The following NRGN variants were observed in gnomAD, a reference collection of about 807,000 sequenced individuals.
NRGN encodes the protein calmodulin-binding protein.
For synonymous variants in NRGN, 47 were observed against 52.8 expected (o/e 0.89, Z 0.47); for missense variants, 82 against 123.0 (o/e 0.67, Z 1.58).
chr11:124,743,066 C>A (rs1943978624), intron 1 of NRGN, among the ~76,000 whole-genome samples: 1 of 152,218 alleles, frequency 6.6e-6, no homozygotes, highest in Admixed American at 6.5e-5. Context: ...ACCAATGAAC[C>A]TCTTCCCAGG....
In NRGN at chr11:124,740,046, G is replaced by C; in HGVS notation, c.-39G>C. The C allele has an allele frequency of 1.6e-6, 2 of 1,244,710 alleles. No homozygotes were observed. The highest frequency in any genetic ancestry group is 2.1e-6 in the Non-Finnish European group (2 of 969,902). The allele number at this position is 1,244,710 out of a possible 1,614,324, so 77.1% of individuals were successfully genotyped here. ...CACACAGACCCCACCCCCGCCCTGC[G>C]CCAGCCTTCGTCCCCGCAGAGGACC... On this transcript the variant is annotated 5_prime_UTR_variant, in exon 1 of 4. Transcript: ENST00000284292. This position sits in a 1 kb window ranked among gnomAD's most constrained non-coding sequence, Gnocchi z 7.5.
rs1446677432 is a variant in NRGN at position 124,745,197 on chromosome 11, A to G, written c.16-306A>G. On this transcript the variant is annotated intron_variant, in intron 1 of 3. Coordinates refer to ENST00000284292, the MANE Select transcript of NRGN (RefSeq NM_006176.3). The surrounding 1 kb of genome is among the most constrained non-coding windows in gnomAD (Gnocchi z 6.4). The stretch of plus-strand genomic sequence containing the variant: ...CTTGCCCCTCCAAACCCACCCTCCA[A>G]TCAGCTCTGCAGACCCCTAACTCGG... 1.3e-5 allele frequency among the ~76,000 whole-genome samples: 2 copies of G among 151,762 alleles called. No individual in the cohort carries two copies. The highest frequency in any genetic ancestry group is 4.8e-5 in the African/African-American group (2 of 41,298).
intron 1 of NRGN, among the ~76,000 whole-genome samples, chr11:124,743,374 C>T (rs979677533): frequency 3.3e-5 from 5 of 152,190 alleles, no homozygotes; most frequent in African/African-American, 1.2e-4. Flanking sequence ...GGTTGTCACC[C>T]TCTTGAGAAG....
rs77804765 is a variant in NRGN at position 124,743,651 on chromosome 11, C to T, written c.16-1852C>T. On this transcript the variant is annotated intron_variant, in intron 1 of 3. Coordinates refer to ENST00000284292, the MANE Select transcript of NRGN (RefSeq NM_006176.3). Reference sequence around the variant, plus strand: ...AGGAAATGAGGCTAACCTTGGGAAACATGGCGAGGGGAACCATTTATAAGC... The same window carrying T: ...AGGAAATGAGGCTAACCTTGGGAAATATGGCGAGGGGAACCATTTATAAGC... Among the ~76,000 whole-genome samples, 998 of 152,194 alleles carry T rather than the reference C, an allele frequency of 6.6e-3. 11 individuals are homozygous for T. In the East Asian group the frequency reaches 0.079, roughly 12 times the overall value.
intron 1 of NRGN, chr11:124,744,689 C>T (rs550039255): frequency 6.6e-6 from 1 of 152,300 alleles, no homozygotes; most frequent in East Asian, 1.9e-4. Flanking sequence ...GCCTGTAAAA[C>T]ACCGTTATTG....
At position 124,741,734 on chromosome 11, in the gene NRGN, A is replaced by G. The variant is rs113843255; in HGVS notation, c.15+1635A>G. ...AGGGGAGTATTGCTGGGGAAGGGGA[A>G]GTGGGAGACGTGGTCACTGGAAAGA... On this transcript the variant is annotated intron_variant, in intron 1 of 3. Coordinates refer to ENST00000284292, the MANE Select transcript of NRGN (RefSeq NM_006176.3). Among the ~76,000 whole-genome samples the G allele has an allele frequency of 2.8e-3, 426 of 151,978 alleles. 9 individuals carry two copies. Among genetic ancestry groups the G allele is most frequent in the African/African-American group, 9.8e-3 (408 of 41,440 alleles).
At chr11:124,742,526 C>T (rs1381897575) in intron 1 of NRGN, among the ~76,000 whole-genome samples, 3 of 152,056 alleles carry the variant, frequency 2.0e-5, no homozygotes, top group South Asian at 2.1e-4. Flanking sequence ...CTGCATTCAC[C>T]GCGCATGAAA....
chr11:124,744,232 C>T (rs1262881378), intron 1 of NRGN, among the ~76,000 whole-genome samples: 1 of 152,190 alleles, frequency 6.6e-6, no homozygotes, highest in Admixed American at 6.5e-5. Context: ...TTTTGGCCTA[C>T]AAAAATGACT....
intron 1 of NRGN, among the ~76,000 whole-genome samples, chr11:124,741,958 A>G (rs1396618054): frequency 6.6e-6 from 1 of 152,148 alleles, no homozygotes; most frequent in Non-Finnish European, 1.5e-5. Flanking sequence ...CCCACCCAAA[A>G]GGTAAAAGAG....
intron 1 of NRGN, among the ~76,000 whole-genome samples, chr11:124,743,902 G>GAAA (rs56291708): frequency 1.3e-4 from 17 of 134,936 alleles, no homozygotes; most frequent in African/African-American, 4.9e-4. Flanking sequence ...TTCATGAAAA[G>GAAA]AAAAAAAAAA....
At chr11:124,744,545 T>C (rs950992680) in intron 1 of NRGN, 1 of 152,160 alleles carries the variant, frequency 6.6e-6, no homozygotes, top group Non-Finnish European at 1.5e-5. Context: ...AATACAAAGG[T>C]TTGAATCTTG....
rs1944006434 is a variant in NRGN, at chr11:124,745,953, G to C, written c.*6-12G>C. 2.8e-6 allele frequency: 1 copy of C among 356,476 alleles called. No individual in the cohort carries two copies. The highest frequency in any genetic ancestry group is 2.1e-5 in the African/African-American group (1 of 46,806). 22.1% of individuals were successfully genotyped at this position (356,476 alleles called of 1,614,324 possible). A position where few individuals can be genotyped will look rare whatever the true frequency, so the allele number is the denominator to read the frequency against. ...TGCATCCTCCCTTCTGCCCCGCCCT[G>C]GACCGAAGAAGAACTGAGCATTTTC... On this transcript the variant is annotated splice_polypyrimidine_tract_variant and intron_variant, in intron 2 of 3. Transcript: ENST00000284292. The surrounding 1 kb of genome is among the most constrained non-coding windows in gnomAD (Gnocchi z 6.4).
At chr11:124,743,871 A>G (rs1943986856) in intron 1 of NRGN, among the ~76,000 whole-genome samples, 1 of 144,058 alleles carries the variant, frequency 6.9e-6, no homozygotes, top group African/African-American at 2.7e-5. Context: ...GAAGAAAAAG[A>G]TAGTCAAAGC....
Position 124,745,867 on chromosome 11 carries a change from G to A in NRGN, c.*6-98G>A. On this transcript the variant is annotated intron_variant, in intron 2 of 3. Transcript: ENST00000284292. The surrounding 1 kb of genome is among the most constrained non-coding windows in gnomAD (Gnocchi z 6.4). ...GTTGGGGGATAGAAATCCGAGATGG[G>A]AGGTGGGTGGGAAGAGGCTGAAGGT... The A allele has an allele frequency of 2.4e-6, 1 of 417,750 alleles. No individual in the cohort carries two copies. Among genetic ancestry groups the A allele is most frequent in the Non-Finnish European group, 4.1e-6 (1 of 245,414 alleles). 25.9% of individuals were successfully genotyped at this position (417,750 alleles called of 1,614,324 possible).
rs748918072 is a variant in NRGN at position 124,746,869 on chromosome 11, G to A, written c.*489G>A. 6.5e-6 allele frequency: 1 copy of A among 152,714 alleles called. No individual in the cohort carries two copies. The highest frequency in any genetic ancestry group is 1.5e-5 in the Non-Finnish European group (1 of 68,100). The allele number at this position is 152,714 out of a possible 1,614,324, so 9.5% of individuals were successfully genotyped here. ...GCCCCAGCCTAGCCCCAAGACTTTG[G>A]ATCCGGGGCGAGATGAAGGGAAGAG... On this transcript the variant is annotated 3_prime_UTR_variant, in exon 4 of 4. Coordinates refer to ENST00000284292, the MANE Select transcript of NRGN (RefSeq NM_006176.3).
In NRGN at chr11:124,740,722, C is replaced by A. The variant is rs754596135; in HGVS notation, c.15+623C>A. 1.3e-5 allele frequency among the ~76,000 whole-genome samples: 2 copies of A among 152,182 alleles called. No homozygotes were observed. The highest frequency in any genetic ancestry group is 2.9e-5 in the Non-Finnish European group (2 of 68,034). Reference sequence around the variant, plus strand: ...AGTGACCGCGAGAGAGCCCTGCTGGCGAGGAAAGGAAGTGTCTGCAATTTG... The same window carrying A: ...AGTGACCGCGAGAGAGCCCTGCTGGAGAGGAAAGGAAGTGTCTGCAATTTG... On this transcript the variant is annotated intron_variant, in intron 1 of 3. Transcript: ENST00000284292. The surrounding 1 kb of genome is among the most constrained non-coding windows in gnomAD (Gnocchi z 7.5).
rs147232186 is a variant in NRGN, at chr11:124,745,559, C to T, written c.72C>T (p.Pro24=). The T allele has an allele frequency of 2.6e-4, 416 of 1,605,866 alleles. No homozygotes were observed. The highest frequency in any genetic ancestry group is 3.1e-4 in the Non-Finnish European group (365 of 1,177,444). The change falls in exon 2 of 4, where the codon CCC becomes CCT. Residue 24 remains proline, a synonymous_variant. Transcript: ENST00000284292. This position sits in a 1 kb window ranked among gnomAD's most constrained non-coding sequence, Gnocchi z 6.4. ...DDILDIPLDD[P]GANAAAAKIQ... ...TTCTAGACATCCCGCTGGACGATCC[C>T]GGCGCCAACGCGGCCGCCGCCAAAA...
intron 1 of NRGN, among the ~76,000 whole-genome samples, chr11:124,741,558 G>T (rs1943966198): frequency 6.6e-6 from 1 of 151,924 alleles, no homozygotes; most frequent in African/African-American, 2.4e-5. Context: ...CAATTTTTTG[G>T]TTGTGAAGGG....
intron 1 of NRGN, among the ~76,000 whole-genome samples, chr11:124,743,916 A>C (rs576230830): frequency 6.6e-6 from 1 of 152,134 alleles, no homozygotes; most frequent in East Asian, 1.9e-4. Context: ...AAAAAAAAGA[A>C]GGAGGCAAAT....
Sources: gnomAD v4.1 joint callset for allele counts (sites outside exome capture counted in the v4.1 genomes callset) on GRCh38, gnomAD v4.1.1 for gene constraint, Gnocchi (gnomAD v3.1) non-coding constraint, MANE v1.5 for transcripts, NCBI Gene and HGNC (gene_info 2026-07-23, HGNC 2026-07-21) for gene names.